AFF3: variants seen among roughly 807,000 people sequenced by gnomAD.
The protein encoded by AFF3 is ALF transcription elongation factor 3.
AFF3 carries 32 observed loss-of-function variants against 129.7 expected under a neutral mutation model. That is an observed-to-expected ratio of 0.25 (90% CI 0.19 to 0.33). The LOEUF (loss-of-function observed/expected upper bound fraction) is 0.33. Ranked by LOEUF, AFF3 falls within the 10% of genes least tolerant of loss-of-function variation. The pLI is 1.00. For synonymous variants in AFF3, 644 were observed against 635.4 expected, an observed-to-expected ratio of 1.01 and a Z score of -0.20; for missense variants, 1,373 against 1,592.0, an observed-to-expected ratio of 0.86 and a Z score of 2.34.
chr2:99,791,179 C>T (rs1685162337), intron 8 of AFF3, among the ~76,000 whole-genome samples: 1 of 152,134 alleles, frequency 6.6e-6, no homozygotes, highest in Admixed American at 6.6e-5. Context: ...GGTTCCTCTT[C>T]TTTTTCTTTA....
chr2:100,095,553 G>T (rs1690214985), intron 4 of AFF3, among the ~76,000 whole-genome samples: 1 of 152,090 alleles, frequency 6.6e-6, no homozygotes, highest in African/African-American at 2.4e-5. Flanking sequence ...CCTACTATTC[G>T]TGAAAATTCA....
chr2:99,850,937 C>A (rs548043318), intron 7 of AFF3, among the ~76,000 whole-genome samples: 117 of 152,236 alleles, frequency 7.7e-4, no homozygotes, highest in African/African-American at 2.7e-3. Context: ...ACATGAAAAT[C>A]TATTACAACC....
chr2:99,871,135 A>G (rs1326959240), intron 7 of AFF3, among the ~76,000 whole-genome samples: 1 of 152,250 alleles, frequency 6.6e-6, no homozygotes, highest in African/African-American at 2.4e-5. Context: ...AATCACCTTC[A>G]GACTATGTGT....
chr2:99,592,911 GGGCGACA>G (rs779492106), intron 15 of AFF3, among the ~76,000 whole-genome samples: 71 of 150,118 alleles, frequency 4.7e-4, no homozygotes, highest in Non-Finnish European at 9.6e-4. Context: ...ACTCCTGCTT[GGGCGACA>G]GAGTGAGACT....
rs113896738 is a variant in AFF3, at chr2:99,601,332, A to AG, written c.1371+102dup. ...CAGCACCTGGCTTGGGGTCTGCAGG[A>AG]GGGAGGAGACCTGCAGCAGTGTGAC... On this transcript the variant is annotated intron_variant, in intron 14 of 24. Coordinates refer to ENST00000672756, the MANE Select transcript of AFF3 (RefSeq NM_001386135.1). The AG allele has an allele frequency of 3.4e-3, 4,512 of 1,339,020 alleles. 122 individuals carry two copies. In the African/African-American group the frequency reaches 0.056, roughly 17 times the overall value. The allele number at this position is 1,339,020 out of a possible 1,614,324, so 82.9% of individuals were successfully genotyped here. A position where few individuals can be genotyped will look rare whatever the true frequency, so the allele number is the denominator to read the frequency against.
intron 8 of AFF3, among the ~76,000 whole-genome samples, chr2:99,791,555 G>C (rs1336768365): frequency 6.6e-6 from 1 of 152,166 alleles, no homozygotes; most frequent in Admixed American, 6.5e-5. Flanking sequence ...CAAATACAGA[G>C]AGCCGACTGT....
intron 4 of AFF3, among the ~76,000 whole-genome samples, chr2:100,038,235 C>T (rs1308622212): frequency 6.6e-6 from 1 of 152,050 alleles, no homozygotes; most frequent in African/African-American, 2.4e-5. Context: ...CGCTTCCCCA[C>T]CACTCTAAGC....
rs184546723 is a variant in AFF3, at chr2:99,985,684, G to A, written c.873+20948C>T. Among the ~76,000 whole-genome samples the A allele has an allele frequency of 1.9e-3, 288 of 152,232 alleles. 1 individual carries two copies. The highest frequency in any genetic ancestry group is 3.3e-3 in the South Asian group (16 of 4,816). ...CCAATAATATACAGCACAAAAATGA[G>A]CAAAAGTAATTGTATCATTAGAAGT... On this transcript the variant is annotated intron_variant, in intron 7 of 24. Transcript: ENST00000672756.
chr2:99,645,068 C>T (rs1432929760), intron 13 of AFF3, among the ~76,000 whole-genome samples: 1 of 152,178 alleles, frequency 6.6e-6, no homozygotes, highest in East Asian at 1.9e-4. Context: ...AGTGTGGTGG[C>T]TAACACCTGT....
At chr2:99,923,900 G>T (rs1696039658) in intron 7 of AFF3, among the ~76,000 whole-genome samples, 1 of 151,880 alleles carries the variant, frequency 6.6e-6, no homozygotes, top group South Asian at 2.1e-4. Context: ...CAAAGGTAAA[G>T]AAAAAAATCA....
chr2:99,617,904 G>A (rs1319102304), intron 13 of AFF3, among the ~76,000 whole-genome samples: 1 of 152,188 alleles, frequency 6.6e-6, no homozygotes. Flanking sequence ...GAGGAGAGAG[G>A]TTGAAGCCCA....
chr2:100,011,360 C>T, intron 4 of AFF3: 1 of 728,604 alleles, frequency 1.4e-6, no homozygotes, highest in South Asian at 1.5e-5. Context: ...TGCTTGCTGC[C>T]CTCAGTCAGG....
At chr2:99,627,973 G>A (rs189589709) in intron 13 of AFF3, among the ~76,000 whole-genome samples, 1 of 152,218 alleles carries the variant, frequency 6.6e-6, no homozygotes, top group African/African-American at 2.4e-5. Flanking sequence ...TAGCCCTGTA[G>A]TATAGTTTGA....
chr2:99,763,979 C>T (rs944484815), intron 8 of AFF3, among the ~76,000 whole-genome samples: 7 of 152,124 alleles, frequency 4.6e-5, no homozygotes, highest in South Asian at 4.1e-4. Flanking sequence ...CCCCTGCCTG[C>T]GATGAGGTTA....
intron 9 of AFF3, among the ~76,000 whole-genome samples, chr2:99,746,465 C>T (rs768988269): frequency 3.3e-5 from 5 of 152,076 alleles, no homozygotes; most frequent in Non-Finnish European, 5.9e-5. Context: ...AAAATTGAGA[C>T]GGGAAGGGAT....
intron 7 of AFF3, among the ~76,000 whole-genome samples, chr2:99,960,718 T>A (rs1337380098): frequency 6.6e-6 from 1 of 152,082 alleles, no homozygotes; most frequent in African/African-American, 2.4e-5. Flanking sequence ...AGGACAGGGG[T>A]CCTCCAAATT....
intron 18 of AFF3, among the ~76,000 whole-genome samples, chr2:99,569,937 T>C (rs1327442270): frequency 6.6e-6 from 1 of 152,204 alleles, no homozygotes; most frequent in Non-Finnish European, 1.5e-5. Context: ...TAATATTAGG[T>C]AGTCAGAACA....
intron 8 of AFF3, among the ~76,000 whole-genome samples, chr2:99,827,178 C>T (rs1192201543): frequency 6.6e-6 from 1 of 152,168 alleles, no homozygotes; most frequent in African/African-American, 2.4e-5. Context: ...GGAAACAGAG[C>T]TGTGTTTGAG....
chr2:99,847,573 T>C (rs1689828777), intron 7 of AFF3, among the ~76,000 whole-genome samples: 2 of 151,962 alleles, frequency 1.3e-5, no homozygotes, highest in Admixed American at 6.6e-5. Context: ...TCTACTCCCA[T>C]AAAATGTTCA....
Sources: allele counts gnomAD v4.1 joint callset (sites outside exome capture counted in the v4.1 genomes callset), GRCh38; gene constraint gnomAD v4.1.1; transcripts MANE v1.5; gene names NCBI Gene and HGNC (gene_info 2026-07-23, HGNC 2026-07-21).